Variants in PPP2R3B observed in about 807,000 individuals in gnomAD.
PPP2R3B encodes the protein protein phosphatase 2 regulatory subunit B''beta.
PPP2R3B carries 68 observed loss-of-function variants against 72.9 expected under a neutral mutation model. That is an observed-to-expected ratio of 0.93 (90% confidence interval 0.77 to 1.14). The LOEUF (loss-of-function observed/expected upper bound fraction) is 1.14. Ranked by LOEUF, PPP2R3B falls within the 50% of genes most tolerant of loss-of-function variation. The pLI, the probability that PPP2R3B is intolerant of heterozygous loss-of-function variation, is 0.00. For synonymous variants in PPP2R3B, 466 were observed against 375.8 expected (o/e 1.24, Z -2.78); for missense variants, 1,018 against 842.0 (o/e 1.21, Z -2.59).
intron 1 of PPP2R3B, among the ~76,000 whole-genome samples, chrX:384,962 G>A (rs1270978666): frequency 7.3e-6 from 1 of 137,628 alleles, no homozygotes; most frequent in African/African-American, 2.8e-5. Flanking sequence ...CTCAGCCTGG[G>A]TGAGAGTGAG....
At chrX:362,521 C>G (rs981176817) in intron 1 of PPP2R3B, among the ~76,000 whole-genome samples, 21 of 151,318 alleles carry the variant, frequency 1.4e-4, no homozygotes, top group Non-Finnish European at 2.7e-4. Flanking sequence ...CTTCGTCCTC[C>G]CCCATCAACT....
intron 7 of PPP2R3B, 137 bp downstream of exon 7, chrX:345,379 C>T (rs764622264): frequency 6.7e-6 from 8 of 1,195,100 alleles, no homozygotes; most frequent in Non-Finnish European, 9.6e-6. Flanking sequence ...AGACACAGAG[C>T]GGCGAGTGCG....
intron 1 of PPP2R3B, among the ~76,000 whole-genome samples, chrX:370,665 G>A (rs1171776408): frequency 6.6e-6 from 1 of 152,180 alleles, no homozygotes; most frequent in Admixed American, 6.5e-5. Context: ...GGGAACCCAA[G>A]CCCTGCCTTC....
At chrX:364,752 G>A (rs779700406) in intron 1 of PPP2R3B, among the ~76,000 whole-genome samples, 2,217 of 50,410 alleles carry the variant, frequency 0.044, 156 homozygotes, top group East Asian at 0.16. Context: ...GTGTGGTGGC[G>A]CATGCCTGTA....
chrX:350,226 T>C (rs138878475), intron 2 of PPP2R3B, among the ~76,000 whole-genome samples: 19 of 152,232 alleles, frequency 1.2e-4, no homozygotes, highest in African/African-American at 3.9e-4. Context: ...GCAAAGACAC[T>C]TCACACAAAC....
At chrX:359,758 TCATACA>T (rs2071504207) in intron 2 of PPP2R3B, 1 of 471,740 alleles carries the variant, frequency 2.1e-6, no homozygotes, top group Non-Finnish European at 4.2e-6. Flanking sequence ...ATGTTCATAC[TCATACA>T]CATATTTGTA....
At chrX:341,167 AGCCCCC>A (rs2071062892) in intron 9 of PPP2R3B, 134 bp downstream of exon 9, 1 of 784,738 alleles carries the variant, frequency 1.3e-6, no homozygotes, top group African/African-American at 2.3e-5. Context: ...TGTGCCGTGC[AGCCCCC>A]ACCGGGCGTG....
In PPP2R3B at chrX:347,227, C is replaced by T; in HGVS notation, c.717+7G>A. 6.2e-7 allele frequency: 1 copy of T among 1,611,196 alleles called. No individual in the cohort carries two copies. The highest frequency in any genetic ancestry group is 8.5e-7 in the Non-Finnish European group (1 of 1,177,842). On this transcript the variant is annotated splice_region_variant and intron_variant, in intron 4 of 12. Coordinates refer to ENST00000390665, the MANE Select transcript of PPP2R3B (RefSeq NM_013239.5). ...ATAAGGCCTGTGGTGTAGACGCAGGCTCTCACCTGCAAGAAGGGGACAAAG... is the reference window on the plus strand; with the variant it reads ...ATAAGGCCTGTGGTGTAGACGCAGGTTCTCACCTGCAAGAAGGGGACAAAG...
At chrX:341,453 G>A (rs938308581) in intron 8 of PPP2R3B, 57 bp from the exon 9 acceptor site, 8 of 1,579,476 alleles carry the variant, frequency 5.1e-6, no homozygotes, top group Admixed American at 1.7e-5. Context: ...AGCTTCACAG[G>A]AACGGAGCCC....
At chrX:347,529 A>ACGGGGACC in intron 3 of PPP2R3B, 61 bp downstream of exon 3, 1 of 1,513,230 alleles carries the variant, frequency 6.6e-7, no homozygotes, top group South Asian at 1.2e-5. Flanking sequence ...TCCTGGCACC[A>ACGGGGACC]CGGGGACCCG....
intron 1 of PPP2R3B, chrX:373,798 C>G (rs888550055): frequency 2.0e-5 from 3 of 151,006 alleles, no homozygotes; most frequent in Non-Finnish European, 4.4e-5. Flanking sequence ...GCTCTGGGGC[C>G]GGGGCCCGCG....
chrX:352,307 C>G (rs183752186), intron 2 of PPP2R3B, among the ~76,000 whole-genome samples: 1 of 152,260 alleles, frequency 6.6e-6, no homozygotes, highest in Non-Finnish European at 1.5e-5. Flanking sequence ...CGCGGCGGCA[C>G]GCCCACCCGC....
In PPP2R3B at chrX:386,713, G is replaced by A. The variant is rs1261038037; in HGVS notation, c.-22C>T. On this transcript the variant is annotated 5_prime_UTR_variant, in exon 1 of 13. Coordinates refer to ENST00000390665, the MANE Select transcript of PPP2R3B (RefSeq NM_013239.5). The stretch of plus-strand genomic sequence containing the variant: ...GCATGGCGGGGGCTGGGCCCGCGGC[G>A]CCCCCGGACGCCCGCGCCCCGCCCC... The A allele has an allele frequency of 3.2e-6, 4 of 1,231,714 alleles. No individual in the cohort carries two copies. The highest frequency in any genetic ancestry group is 3.5e-5 in the East Asian group (1 of 28,684). 76.3% of individuals were successfully genotyped at this position (1,231,714 alleles called of 1,614,324 possible). A position where few individuals can be genotyped will look rare whatever the true frequency, so the allele number is the denominator to read the frequency against.
At chrX:378,973 TTTG>T (rs1474050084) in intron 1 of PPP2R3B, among the ~76,000 whole-genome samples, 1 of 152,254 alleles carries the variant, frequency 6.6e-6, no homozygotes, top group East Asian at 1.9e-4. Flanking sequence ...TTACAACATG[TTTG>T]TTAAGAACTT....
chrX:369,166 G>A (rs987335797), intron 1 of PPP2R3B, among the ~76,000 whole-genome samples: 1 of 152,188 alleles, frequency 6.6e-6, no homozygotes, highest in African/African-American at 2.4e-5. Flanking sequence ...GGTGAGGCCA[G>A]GCATCTACGG....
At chrX:373,639 A>G in intron 1 of PPP2R3B, 1 of 280,146 alleles carries the variant, frequency 3.6e-6, no homozygotes, top group South Asian at 2.9e-5. Context: ...TGGCGCAGCG[A>G]GCGCTCGCGG....
At chrX:335,258 G>T (rs181554987) in intron 12 of PPP2R3B, 1 of 152,584 alleles carries the variant, frequency 6.6e-6, no homozygotes, top group Admixed American at 6.5e-5. Context: ...GGTCAGGTGG[G>T]GAGCAGAGGT....
chrX:350,332 A>C (rs1202618423), intron 2 of PPP2R3B, among the ~76,000 whole-genome samples: 1 of 152,200 alleles, frequency 6.6e-6, no homozygotes, highest in Non-Finnish European at 1.5e-5. Context: ...GCCGCGGCCA[A>C]GGTTTCTTTC....
intron 1 of PPP2R3B, among the ~76,000 whole-genome samples, chrX:377,986 A>T (rs2072036286): frequency 1.3e-5 from 2 of 151,280 alleles, no homozygotes; most frequent in Non-Finnish European, 2.9e-5. Context: ...TGGGGCCGCC[A>T]TGGGGCTGTC....
Sources: gnomAD v4.1 joint callset for allele counts (sites outside exome capture counted in the v4.1 genomes callset) on GRCh38, gnomAD v4.1.1 for gene constraint, MANE v1.5 for transcripts, NCBI Gene and HGNC (gene_info 2026-07-23, HGNC 2026-07-21) for gene names.